The following CENPN variants were observed in gnomAD, a reference collection of about 807,000 sequenced individuals.
The protein encoded by CENPN is centromere protein N.
A neutral mutation model predicts 48.6 loss-of-function variants in CENPN; 36 were observed. The observed-to-expected ratio is 0.74, with a 90% CI of 0.57 to 0.98. The LOEUF is 0.98. Among genes scored for constraint, CENPN ranks in the 50% least tolerant of loss-of-function variants. The pLI, the probability that CENPN is intolerant of heterozygous loss-of-function variation, is 0.00. For synonymous variants in CENPN, 166 were observed against 135.2 expected (o/e 1.23, Z -1.58); for missense variants, 439 against 399.2 (o/e 1.10, Z -0.85).
At chr16:81,026,660 T>C in intron 9 of CENPN, 22 bp downstream of exon 9, 1 of 1,193,542 alleles carries the variant, frequency 8.4e-7, no homozygotes, top group Non-Finnish European at 1.2e-6. Context: ...TAATAAATAT[T>C]AAGTACAAGA....
intron 1 of CENPN, among the ~76,000 whole-genome samples, 199 bp from the exon 2 acceptor site, chr16:81,011,731 A>C (rs1969746915): frequency 6.6e-6 from 1 of 152,216 alleles, no homozygotes; most frequent in Non-Finnish European, 1.5e-5. Flanking sequence ...GGCCAGGCGC[A>C]GTAGCTCACG....
intron 9 of CENPN, 61 bp downstream of exon 9, chr16:81,026,699 C>A: frequency 2.6e-6 from 2 of 780,670 alleles, no homozygotes; most frequent in Non-Finnish European, 4.1e-6. Context: ...AGAACAAAAA[C>A]CTTAAGTGGA....
chr16:81,017,765 T>C lies in CENPN; in HGVS notation c.285T>C (p.Asp95=), dbSNP rs369738216. The part of the protein sequence containing the change: ...VFQMSKGPGE[D]VDLFDMKQFK... ...TTTTTTTCACTTTGGCAGGTGAAGA[T>C]GTTGACCTTTTTGATATGAAACAAT... Residue 95 remains aspartate (D), a synonymous_variant, in exon 5 of 11, where the codon GAT becomes GAC. Transcript: ENST00000305850. The C allele has an allele frequency of 1.1e-5, 17 of 1,590,108 alleles. No homozygotes were observed. Among genetic ancestry groups the C allele is most frequent in the Non-Finnish European group, 1.5e-5 (17 of 1,170,484 alleles).
Position 81,028,242 on chromosome 16 carries a change from A to C in CENPN, c.882A>C (p.Leu294=). ...AGAGGGAAGAACCCCTCCGATGCCTAATAAAGTTCTCTAGCCCACATCTTC... is the reference window on the plus strand; with the variant it reads ...AGAGGGAAGAACCCCTCCGATGCCTCATAAAGTTCTCTAGCCCACATCTTC... The part of the protein sequence containing the change: ...LAEREEPLRC[L]IKFSSPHLLE... Residue 294 remains leucine (L), a synonymous_variant, in exon 10 of 11, where the codon CTA becomes CTC. Transcript: ENST00000305850. 6.2e-7 allele frequency: 1 copy of C among 1,613,966 alleles called. No homozygotes were observed. Among genetic ancestry groups the C allele is most frequent in the Non-Finnish European group, 8.5e-7 (1 of 1,179,792 alleles).
At position 81,028,157 on chromosome 16, in the gene CENPN, A is replaced by T. The variant is rs763870688; in HGVS notation, c.811-14A>T. On this transcript the variant is annotated splice_polypyrimidine_tract_variant and intron_variant, in intron 9 of 10. Coordinates refer to ENST00000305850, the MANE Select transcript of CENPN (RefSeq NM_001100624.3). ...CAATATGTTTAATAGTCATTTATAA[A>T]TGTTTGTTGACAGCTTGAAACGAAA... 6.3e-7 allele frequency: 1 copy of T among 1,581,050 alleles called. No homozygotes were observed. The highest frequency in any genetic ancestry group is 8.7e-7 in the Non-Finnish European group (1 of 1,150,114).
Position 81,028,829 on chromosome 16 carries a change from C to T in CENPN, c.*178C>T. 2.2e-6 allele frequency: 3 copies of T among 1,382,082 alleles called. No individual in the cohort carries two copies. Among genetic ancestry groups the T allele is most frequent in the East Asian group, 2.8e-5 (1 of 36,132 alleles). 85.6% of individuals were successfully genotyped at this position (1,382,082 alleles called of 1,614,324 possible). On this transcript the variant is annotated 3_prime_UTR_variant, in exon 11 of 11. Coordinates refer to ENST00000305850, the MANE Select transcript of CENPN (RefSeq NM_001100624.3). ...TGATTCATTCCTCCACGATATGCCTCCTCTCTCTGATATCCTGCTAACTGT... is the reference window on the plus strand; with the variant it reads ...TGATTCATTCCTCCACGATATGCCTTCTCTCTCTGATATCCTGCTAACTGT...
chr16:81,031,133 A>G lies in CENPN; in HGVS notation c.*2482A>G, dbSNP rs1235533237. 2.6e-5 allele frequency: 4 copies of G among 151,594 alleles called. No homozygotes were observed. Among genetic ancestry groups the G allele is most frequent in the Non-Finnish European group, 5.9e-5 (4 of 67,932 alleles). The allele number at this position is 151,594 out of a possible 1,614,324, so 9.4% of individuals were successfully genotyped here. ...GAGGGAGGAAGCCATTCTAAAAAGG[A>G]CTCCCTACATGACCTGCAACTTGAA... On this transcript the variant is annotated 3_prime_UTR_variant, in exon 11 of 11. Coordinates refer to ENST00000305850, the MANE Select transcript of CENPN (RefSeq NM_001100624.3).
At chr16:81,023,837 T>G (rs1206302476) in intron 7 of CENPN, 1 of 152,128 alleles carries the variant, frequency 6.6e-6, no homozygotes, top group East Asian at 1.9e-4. Context: ...TCCCAGCACT[T>G]TGGGAGTCCG....
Position 81,017,309 on chromosome 16 carries a change from T to G in CENPN, c.218-17T>G. On this transcript the variant is annotated splice_polypyrimidine_tract_variant and intron_variant, in intron 3 of 10. Coordinates refer to ENST00000305850, the MANE Select transcript of CENPN (RefSeq NM_001100624.3). ...TTCTATGATATGCTAGTAATAAAGC[T>G]TTCTTCCCTCTCTCAGATATGCAAT... 6.4e-7 allele frequency: 1 copy of G among 1,566,584 alleles called. No individual in the cohort carries two copies. Among genetic ancestry groups the G allele is most frequent in the Non-Finnish European group, 8.8e-7 (1 of 1,137,900 alleles).
intron 3 of CENPN, among the ~76,000 whole-genome samples, chr16:81,016,371 G>A (rs7188549): frequency 0.18 from 26,751 of 151,978 alleles, 2,543 homozygotes; most frequent in East Asian, 0.27. Flanking sequence ...TTTATGCCAC[G>A]CAGTTAAGTT....
intron 8 of CENPN, among the ~76,000 whole-genome samples, chr16:81,025,317 C>T (rs1025873688): frequency 6.6e-6 from 1 of 152,014 alleles, no homozygotes; most frequent in South Asian, 2.1e-4. Flanking sequence ...CTAGAAAACC[C>T]AAGAGAAAAG....
chr16:81,032,787 C>T, downstream of CENPN: 2 of 1,326,806 alleles, frequency 1.5e-6, no homozygotes, highest in East Asian at 2.4e-5. Flanking sequence ...TAATGCAGGC[C>T]TCCTTGTTAA....
At chr16:81,026,063 A>ATGTGTGTGTGTG (rs1326309670) in intron 8 of CENPN, among the ~76,000 whole-genome samples, 1 of 41,516 alleles carries the variant, frequency 2.4e-5, no homozygotes, top group Non-Finnish European at 6.6e-5. Flanking sequence ...ATATATATAT[A>ATGTGTGTGTGTG]TATATATGTG....
rs907928242 is a variant in CENPN at position 81,027,128 on chromosome 16, G to A, written c.810+490G>A. On this transcript the variant is annotated intron_variant, in intron 9 of 10. Transcript: ENST00000305850. Reference sequence around the variant, plus strand: ...TTGATAATTATTTTACCTGGGTGATGTGCACATGGGGCTCATACCGTGCTC... The same window carrying A: ...TTGATAATTATTTTACCTGGGTGATATGCACATGGGGCTCATACCGTGCTC... Among the ~76,000 whole-genome samples the A allele has an allele frequency of 1.1e-4, 16 of 152,206 alleles. No homozygotes were observed. The South Asian group carries it at 2.3e-3, about 22-fold the overall frequency.
At chr16:81,017,867 C>A in intron 5 of CENPN, 33 bp downstream of exon 5, 1 of 1,297,472 alleles carries the variant, frequency 7.7e-7, no homozygotes. Flanking sequence ...ACATAAAATT[C>A]AATGTCATGA....
At position 81,030,406 on chromosome 16, in the gene CENPN, G is replaced by A. The variant is rs1271960236; in HGVS notation, c.*1755G>A. 2 of 984,226 alleles carry A rather than the reference G, an allele frequency of 2.0e-6. No individual in the cohort carries two copies. The highest frequency in any genetic ancestry group is 2.4e-6 in the Non-Finnish European group (2 of 829,186). 61.0% of individuals were successfully genotyped at this position (984,226 alleles called of 1,614,324 possible). ...TTCTGATACCAGATATGTGGGGGAGGGGGTTTCCCCCACACATTAAGCAAG... is the reference window on the plus strand; with the variant it reads ...TTCTGATACCAGATATGTGGGGGAGAGGGTTTCCCCCACACATTAAGCAAG... On this transcript the variant is annotated 3_prime_UTR_variant, in exon 11 of 11. Coordinates refer to ENST00000305850, the MANE Select transcript of CENPN (RefSeq NM_001100624.3).
chr16:81,019,069 T>C (rs1379156162), intron 5 of CENPN, among the ~76,000 whole-genome samples: 2 of 152,224 alleles, frequency 1.3e-5, no homozygotes, highest in Non-Finnish European at 2.9e-5. Flanking sequence ...GGTCTTGCCA[T>C]GTAACATTCT....
chr16:81,017,848 T>C lies in CENPN; in HGVS notation c.354+14T>C, dbSNP rs902369844. 4.9e-6 allele frequency: 7 copies of C among 1,423,708 alleles called. No homozygotes were observed. Among genetic ancestry groups the C allele is most frequent in the Non-Finnish European group, 5.8e-6 (6 of 1,027,302 alleles). 88.2% of individuals were successfully genotyped at this position (1,423,708 alleles called of 1,614,324 possible). On this transcript the variant is annotated intron_variant, in intron 5 of 10. Coordinates refer to ENST00000305850, the MANE Select transcript of CENPN (RefSeq NM_001100624.3). ...GCATTAAAAAATGTAAGAATAAAAT[T>C]CATCTTTTACATAAAATTCAATGTC...
chr16:81,022,298 C>A, intron 6 of CENPN: 1 of 312,980 alleles, frequency 3.2e-6, no homozygotes, highest in Non-Finnish European at 6.0e-6. Flanking sequence ...AAAACAGTAA[C>A]ATTTTGAGTA....
Sources: gnomAD v4.1 joint callset for allele counts (sites outside exome capture counted in the v4.1 genomes callset) on GRCh38, gnomAD v4.1.1 for gene constraint, MANE v1.5 for transcripts, NCBI Gene and HGNC (gene_info 2026-07-23, HGNC 2026-07-21) for gene names.